FHAD1: variants seen among roughly 807,000 people sequenced by gnomAD.
FHAD1 encodes the protein forkhead-associated domain-containing protein 1.
A neutral mutation model predicts 191.3 loss-of-function variants in FHAD1; 146 were observed. The observed-to-expected ratio is 0.76, with a 90% CI of 0.67 to 0.88. The LOEUF (loss-of-function observed/expected upper bound fraction) is 0.88, where lower values mean the gene tolerates loss of function less well. FHAD1 is among the 40% of genes least tolerant of loss of function. FHAD1 has a pLI of 0.00. For synonymous variants in FHAD1, 616 were observed against 672.3 expected (o/e 0.92, Z 1.29); for missense variants, 1,635 against 1,785.8 (o/e 0.92, Z 1.52).
chr1:15,328,263 C>CTTTTTT lies in FHAD1; in HGVS notation c.1558-9_1558-8insTTTTTT. 1 of 863,992 alleles carries CTTTTTT rather than the reference C, an allele frequency of 1.2e-6. No individual in the cohort carries two copies. Among genetic ancestry groups the CTTTTTT allele is most frequent in the Non-Finnish European group, 1.5e-6 (1 of 687,196 alleles). 53.5% of individuals were successfully genotyped at this position (863,992 alleles called of 1,614,324 possible). A position where few individuals can be genotyped will look rare whatever the true frequency, so the allele number is the denominator to read the frequency against. ...CATCTTTTTTTTTTTTTTCCTTTTT[C>CTTTTTT]TTTTTCTCACCAGTTAATAGAGAAA... On this transcript the variant is annotated splice_polypyrimidine_tract_variant and intron_variant, in intron 12 of 33. Transcript: ENST00000688493.
rs138515354 is a variant in FHAD1, at chr1:15,271,939, C to T, written c.94-384C>T. Among the ~76,000 whole-genome samples, 240 of 151,950 alleles carry T rather than the reference C, an allele frequency of 1.6e-3. 1 individual carries two copies. The highest frequency in any genetic ancestry group is 4.9e-3 in the African/African-American group (205 of 41,424). On this transcript the variant is annotated intron_variant, in intron 2 of 33. Transcript: ENST00000688493. ...AAATGGCCAATTCCTTGACGATTTT[C>T]GGTTTTGGTAAAATAAAAAATAAAA...
chr1:15,339,558 C>T lies in FHAD1; in HGVS notation c.1977+7C>T, dbSNP rs763054255. 1.4e-5 allele frequency: 18 copies of T among 1,256,502 alleles called. No individual in the cohort carries two copies. Among genetic ancestry groups the T allele is most frequent in the Non-Finnish European group, 1.9e-5 (18 of 955,370 alleles). 77.8% of individuals were successfully genotyped at this position (1,256,502 alleles called of 1,614,324 possible). A position where few individuals can be genotyped will look rare whatever the true frequency, so the allele number is the denominator to read the frequency against. ...CCAGGCCCAGGAACTTCAGGTAATT[C>T]TTTTAATTTCTTTTTTTCCAAAGTT... On this transcript the variant is annotated splice_region_variant and intron_variant, in intron 15 of 33. Coordinates refer to ENST00000688493, the MANE Select transcript of FHAD1 (RefSeq NM_001391957.1).
At chr1:15,253,148 CTGTGTGTGTGTGTG>C (rs5772631) in intron 2 of FHAD1, among the ~76,000 whole-genome samples, 4 of 146,152 alleles carry the variant, frequency 2.7e-5, no homozygotes, top group East Asian at 2.0e-4. Context: ...GACATAAGTG[CTGTGTGTGTGTGTG>C]TGTGTGTGTG....
chr1:15,364,712 A>T (rs1695863410), intron 23 of FHAD1, among the ~76,000 whole-genome samples: 1 of 152,220 alleles, frequency 6.6e-6, no homozygotes, highest in Admixed American at 6.5e-5. Context: ...GCAAAGACTA[A>T]GGCTCCTAAC....
At chr1:15,283,224 C>A (rs542372923) in intron 3 of FHAD1, among the ~76,000 whole-genome samples, 1 of 152,304 alleles carries the variant, frequency 6.6e-6, no homozygotes, top group East Asian at 1.9e-4. Flanking sequence ...ACTGACATGG[C>A]ACACTGGTGG....
At chr1:15,247,676 A>G (rs1254030947) in intron 1 of FHAD1, among the ~76,000 whole-genome samples, 1 of 152,112 alleles carries the variant, frequency 6.6e-6, no homozygotes, top group Non-Finnish European at 1.5e-5. Flanking sequence ...AGCTGGGATT[A>G]GGAGGGGCAT....
At chr1:15,380,586 C>A in intron 28 of FHAD1, 115 bp from the exon 29 acceptor site, 1 of 804,022 alleles carries the variant, frequency 1.2e-6, no homozygotes, top group Non-Finnish European at 2.1e-6. Flanking sequence ...AGGACGCGGA[C>A]TGAAAATCAA....
chr1:15,263,740 C>T (rs1652187686), intron 2 of FHAD1, among the ~76,000 whole-genome samples: 2 of 152,018 alleles, frequency 1.3e-5, no homozygotes. Context: ...CCCAGATGGT[C>T]TTGATCTCCT....
At chr1:15,401,162 A>G (rs1416615749), downstream of FHAD1, among the ~76,000 whole-genome samples, 1 of 152,220 alleles carries the variant, frequency 6.6e-6, no homozygotes, top group Admixed American at 6.5e-5. Flanking sequence ...ACTTAAACAG[A>G]AAGAGAGTTT....
intron 15 of FHAD1, 111 bp downstream of exon 15, chr1:15,339,662 C>T (rs1468892837): frequency 5.3e-6 from 2 of 378,528 alleles, no homozygotes. Context: ...GTCCAGTCCA[C>T]ACCCTCCAAT....
At position 15,382,058 on chromosome 1, in the gene FHAD1, G is replaced by C. The variant is rs936979763; in HGVS notation, c.4053G>C (p.Gln1351His). Residue 1351 changes from glutamine to histidine, a missense_variant, in exon 31 of 34, where the codon CAG becomes CAC. Transcript: ENST00000688493. ...GCAAAGTGTCCATTGAGATGTACCA[G>C]TCGCAGGTGGCAAAGCTGGAGGATG... ...RRSKVSIEMY[Q>H]SQVAKLEDDI... 6 of 1,552,162 alleles carry C rather than the reference G, an allele frequency of 3.9e-6. No individual in the cohort carries two copies. Among genetic ancestry groups the C allele is most frequent in the Non-Finnish European group, 5.2e-6 (6 of 1,147,118 alleles).
chr1:15,266,323 G>C (rs1193202373), intron 2 of FHAD1, among the ~76,000 whole-genome samples: 2 of 151,694 alleles, frequency 1.3e-5, no homozygotes, highest in Non-Finnish European at 2.9e-5. Flanking sequence ...TGCCTAGGCT[G>C]ATCTTGAACT....
intron 22 of FHAD1, 86 bp from the exon 23 acceptor site, chr1:15,362,556 G>A (rs1570248084): frequency 9.0e-7 from 1 of 1,107,578 alleles, no homozygotes; most frequent in Non-Finnish European, 1.3e-6. Flanking sequence ...GGCAGGGTTT[G>A]TAAGTTGTGA....
intron 18 of FHAD1, among the ~76,000 whole-genome samples, chr1:15,346,306 A>C (rs1282827838): frequency 6.6e-6 from 1 of 152,196 alleles, no homozygotes; most frequent in Non-Finnish European, 1.5e-5. Flanking sequence ...TGAATTCATA[A>C]AATCTATTTA....
intron 6 of FHAD1, among the ~76,000 whole-genome samples, chr1:15,303,010 T>G (rs1232479776): frequency 6.6e-6 from 1 of 152,232 alleles, no homozygotes; most frequent in East Asian, 1.9e-4. Flanking sequence ...CCTTCCAGAA[T>G]AGGACAGTGT....
intron 21 of FHAD1, among the ~76,000 whole-genome samples, chr1:15,360,068 G>A (rs516846): frequency 0.25 from 37,386 of 152,118 alleles, 6,812 homozygotes; most frequent in African/African-American, 0.51. Context: ...AGCCAAGATA[G>A]TGCCACTGCA....
intron 3 of FHAD1, among the ~76,000 whole-genome samples, chr1:15,275,976 C>G (rs1658219566): frequency 6.6e-6 from 1 of 152,094 alleles, no homozygotes; most frequent in Non-Finnish European, 1.5e-5. Context: ...CAGAGAGGGA[C>G]GTGACAGCCA....
chr1:15,363,858 G>T (rs962392383), intron 23 of FHAD1: 2 of 451,640 alleles, frequency 4.4e-6, no homozygotes, highest in South Asian at 1.6e-5. Flanking sequence ...GGATGCAGTG[G>T]AGGGATTCAG....
Position 15,329,609 on chromosome 1 carries a change from G to A in FHAD1, c.1906+68G>A. The A allele has an allele frequency of 7.0e-7, 1 of 1,418,730 alleles. No homozygotes were observed. Among genetic ancestry groups the A allele is most frequent in the Non-Finnish European group, 9.7e-7 (1 of 1,029,148 alleles). The allele number at this position is 1,418,730 out of a possible 1,614,324, so 87.9% of individuals were successfully genotyped here. A position where few individuals can be genotyped will look rare whatever the true frequency, so the allele number is the denominator to read the frequency against. The stretch of plus-strand genomic sequence containing the variant: ...ATGTCGCGTTGAATCTCAGCATGAT[G>A]GGACATCTGTTGAGGAAGTCTTCCT... On this transcript the variant is annotated intron_variant, in intron 14 of 33. Coordinates refer to ENST00000688493, the MANE Select transcript of FHAD1 (RefSeq NM_001391957.1). The surrounding 1 kb of genome is among the most constrained non-coding windows in gnomAD (Gnocchi z 5.0).
Sources: allele counts gnomAD v4.1 joint callset (sites outside exome capture counted in the v4.1 genomes callset), GRCh38; gene constraint gnomAD v4.1.1; non-coding constraint Gnocchi (gnomAD v3.1); transcripts MANE v1.5; gene names NCBI Gene and HGNC (gene_info 2026-07-23, HGNC 2026-07-21).